GOLGA7B: variants seen among roughly 807,000 people sequenced by gnomAD.
The protein encoded by GOLGA7B is golgin subfamily A member 7B.
A neutral mutation model predicts 21.5 loss-of-function variants in GOLGA7B; 17 were observed. The observed-to-expected ratio is 0.79, with a 90% CI of 0.54 to 1.19. The LOEUF (loss-of-function observed/expected upper bound fraction) is 1.19. Among genes scored for constraint, GOLGA7B ranks in the 50% most tolerant of loss-of-function variants. The pLI, the probability that GOLGA7B is intolerant of heterozygous loss-of-function variation, is 0.00. For missense variants in GOLGA7B, 169 were observed against 224.4 expected, an observed-to-expected ratio of 0.75 and a Z score of 1.58; for synonymous variants, 87 against 84.0, an observed-to-expected ratio of 1.04 and a Z score of -0.19.
intron 1 of GOLGA7B, among the ~76,000 whole-genome samples, chr10:97,855,888 T>G (rs1465961361): frequency 3.3e-5 from 5 of 152,210 alleles, no homozygotes; most frequent in Non-Finnish European, 7.3e-5. Context: ...ATACATTATT[T>G]AATCCAGTCA....
At chr10:97,850,362 A>G (rs2049897541) in intron 1 of GOLGA7B, 47 bp downstream of exon 1, 3 of 1,495,920 alleles carry the variant, frequency 2.0e-6, no homozygotes, top group African/African-American at 2.9e-5. Flanking sequence ...TTGCCGCGGG[A>G]CCAAATGCCC....
chr10:97,865,583 AC>A lies in GOLGA7B; in HGVS notation c.394-3del. ...GGCTCGCAGCTCTCCTTAACCACCG[AC>A]CCCAGATTGAGATCTCCATCTACGA... On this transcript the variant is annotated splice_region_variant and splice_polypyrimidine_tract_variant and intron_variant, in intron 4 of 4. Coordinates refer to ENST00000370602, the MANE Select transcript of GOLGA7B (RefSeq NM_001010917.3). 1 of 1,612,498 alleles carries A rather than the reference AC, an allele frequency of 6.2e-7. No individual in the cohort carries two copies. The highest frequency in any genetic ancestry group is 1.1e-5 in the South Asian group (1 of 90,958).
At chr10:97,854,548 T>A (rs1181253856) in intron 1 of GOLGA7B, among the ~76,000 whole-genome samples, 1 of 152,148 alleles carries the variant, frequency 6.6e-6, no homozygotes, top group African/African-American at 2.4e-5. Flanking sequence ...TCTGATATCA[T>A]CCTTTAGCAA....
intron 1 of GOLGA7B, among the ~76,000 whole-genome samples, chr10:97,856,028 T>C (rs73328569): frequency 0.016 from 2,494 of 152,384 alleles, 59 homozygotes; most frequent in African/African-American, 0.044. Context: ...TTCTACTTTA[T>C]TGATAACCTT....
chr10:97,863,981 G>A lies in GOLGA7B; in HGVS notation c.190G>A (p.Ala64Thr), dbSNP rs377092921. The change falls in exon 3 of 5, where the codon GCA becomes ACA. Residue 64 changes from alanine (A) to threonine (T), a missense_variant. Transcript: ENST00000370602. ...ETVKTLNGFYAEAEKIGGSSY... is the reference protein window; with the variant it reads ...ETVKTLNGFYTEAEKIGGSSY... ...TGTGAAGACCCTCAACGGATTTTAC[G>A]CAGAGGCTGAGAAGATTGGGGGCAG... 33 of 1,614,076 alleles carry A rather than the reference G, an allele frequency of 2.0e-5. No homozygotes were observed. Among genetic ancestry groups the A allele is most frequent in the Middle Eastern group, 1.6e-4 (1 of 6,084 alleles).
chr10:97,850,374 AGGGGT>A, intron 1 of GOLGA7B, 59 bp downstream of exon 1: 1 of 1,387,270 alleles, frequency 7.2e-7, no homozygotes, highest in Non-Finnish European at 9.8e-7. Flanking sequence ...CAAATGCCCT[AGGGGT>A]GGGCTGGGCA....
chr10:97,857,890 C>T (rs375510752), intron 1 of GOLGA7B, among the ~76,000 whole-genome samples: 1 of 152,182 alleles, frequency 6.6e-6, no homozygotes. Context: ...AGTCTTTCCC[C>T]GGTGTTTAAG....
chr10:97,865,534 T>C (rs958485012), intron 4 of GOLGA7B, 56 bp from the exon 5 acceptor site: 3 of 1,597,350 alleles, frequency 1.9e-6, no homozygotes, highest in Admixed American at 1.7e-5. Flanking sequence ...CGCTGGTTCA[T>C]GTCCCACCCC....
intron 2 of GOLGA7B, among the ~76,000 whole-genome samples, chr10:97,860,811 T>G (rs186208502): frequency 1.4e-3 from 211 of 152,288 alleles, no homozygotes; most frequent in Middle Eastern, 3.4e-3. Flanking sequence ...TAGAGGCACC[T>G]GGGAACTTTG....
intron 2 of GOLGA7B, 52 bp downstream of exon 2, chr10:97,859,635 G>A: frequency 6.3e-7 from 1 of 1,586,760 alleles, no homozygotes; most frequent in South Asian, 1.1e-5. Flanking sequence ...TGGAACTGAG[G>A]TTCTTATTGG....
chr10:97,861,275 C>T (rs1006308232), intron 2 of GOLGA7B, among the ~76,000 whole-genome samples: 5 of 152,368 alleles, frequency 3.3e-5, no homozygotes, highest in Admixed American at 3.3e-4. Context: ...TGCCCCGCCT[C>T]TCTGCTTTTT....
At chr10:97,861,759 GC>G (rs2136517046) in intron 2 of GOLGA7B, among the ~76,000 whole-genome samples, 1 of 152,378 alleles carries the variant, frequency 6.6e-6, no homozygotes, top group African/African-American at 2.4e-5. Flanking sequence ...CCCGGAGCCA[GC>G]TTTCGGAGAG....
intron 1 of GOLGA7B, among the ~76,000 whole-genome samples, chr10:97,854,540 T>C (rs1190050057): frequency 1.3e-5 from 2 of 152,200 alleles, no homozygotes; most frequent in African/African-American, 4.8e-5. Flanking sequence ...AAAATGTGTC[T>C]GATATCATCC....
At position 97,871,507 on chromosome 10, in the gene GOLGA7B, C is replaced by G. The variant is rs2050093104; in HGVS notation, c.*5807C>G. 1 of 152,384 alleles carries G rather than the reference C, an allele frequency of 6.6e-6. No individual in the cohort carries two copies. Among genetic ancestry groups the G allele is most frequent in the Middle Eastern group, 3.4e-3 (1 of 294 alleles). 9.4% of individuals were successfully genotyped at this position (152,384 alleles called of 1,614,324 possible). A position where few individuals can be genotyped will look rare whatever the true frequency, so the allele number is the denominator to read the frequency against. On this transcript the variant is annotated 3_prime_UTR_variant, in exon 5 of 5. Transcript: ENST00000370602. ...GTAGATTTATAGCAGGCTTCAGATT[C>G]TGGCATAGAATAAACAGATATTTAT... is the stretch of plus-strand genomic sequence containing the variant.
chr10:97,854,401 C>G (rs2049922834), intron 1 of GOLGA7B, among the ~76,000 whole-genome samples: 1 of 152,238 alleles, frequency 6.6e-6, no homozygotes, highest in African/African-American at 2.4e-5. Context: ...GCACTTCACA[C>G]TCAAGCCACC....
At chr10:97,857,850 A>G (rs1440097079) in intron 1 of GOLGA7B, among the ~76,000 whole-genome samples, 1 of 152,238 alleles carries the variant, frequency 6.6e-6, no homozygotes, top group Non-Finnish European at 1.5e-5. Flanking sequence ...AAATAAAGCA[A>G]CATACCTATA....
Position 97,864,042 on chromosome 10 carries a change from CCTA to C in GOLGA7B, c.254_256del (p.Tyr85del). The C allele has an allele frequency of 6.2e-7, 1 of 1,614,186 alleles. No individual in the cohort carries two copies. The highest frequency in any genetic ancestry group is 8.5e-7 in the Non-Finnish European group (1 of 1,180,036). On this transcript the variant is annotated inframe_deletion, in exon 3 of 5. Coordinates refer to ENST00000370602, the MANE Select transcript of GOLGA7B (RefSeq NM_001010917.3). ...GAGGGCTGCCTGGCCTGCGCCACGG[CCTA>C]CTTCATCTTCCTCTGCATGGAGACC...
intron 1 of GOLGA7B, among the ~76,000 whole-genome samples, chr10:97,857,749 C>T (rs970268623): frequency 3.9e-5 from 6 of 152,178 alleles, no homozygotes; most frequent in Admixed American, 6.5e-5. Flanking sequence ...AATTATACTA[C>T]GAGGCTATAA....
chr10:97,850,643 G>C (rs1160733845), intron 1 of GOLGA7B, among the ~76,000 whole-genome samples: 1 of 152,164 alleles, frequency 6.6e-6, no homozygotes, highest in Non-Finnish European at 1.5e-5. Context: ...TTGGAGACGC[G>C]TGTGTGTGCG....
Sources: gnomAD v4.1 joint callset for allele counts (sites outside exome capture counted in the v4.1 genomes callset) on GRCh38, gnomAD v4.1.1 for gene constraint, MANE v1.5 for transcripts, NCBI Gene and HGNC (gene_info 2026-07-23, HGNC 2026-07-21) for gene names.